Variants in METTL22 observed in about 807,000 individuals in gnomAD.
METTL22 encodes methyltransferase-like protein 22.
METTL22 carries 51 observed loss-of-function variants against 48.4 expected under a neutral mutation model. The ratio of observed to expected loss-of-function variants is 1.05; its 90% CI spans 0.84 to 1.33. The LOEUF is 1.33. METTL22 is among the 40% of genes most tolerant of loss of function. The pLI, the probability that METTL22 is intolerant of heterozygous loss-of-function variation, is 0.00. For missense variants in METTL22, 678 were observed against 526.9 expected (o/e 1.29, Z -2.81); for synonymous variants, 255 against 214.1 (o/e 1.19, Z -1.67).
chr16:8,630,573 A>C (rs1438635279), intron 3 of METTL22, among the ~76,000 whole-genome samples: 1 of 152,076 alleles, frequency 6.6e-6, no homozygotes, highest in African/African-American at 2.4e-5. Flanking sequence ...CTGAGCCCTC[A>C]CTGTTATTAG....
downstream of METTL22, among the ~76,000 whole-genome samples, chr16:8,649,839 CTG>C (rs2056868014): frequency 6.6e-6 from 1 of 150,948 alleles, no homozygotes; most frequent in African/African-American, 2.4e-5. Context: ...ATTAGTGAAA[CTG>C]TGGTCCCCAA....
At chr16:8,651,904 C>T (rs1002982506), downstream of METTL22, among the ~76,000 whole-genome samples, 1 of 152,114 alleles carries the variant, frequency 6.6e-6, no homozygotes, top group Non-Finnish European at 1.5e-5. Context: ...GGACAAATAC[C>T]TAATGCATGC....
Position 8,628,902 on chromosome 16 carries a change from C to A in METTL22, c.306C>A (p.Ala102=). Residue 102 remains alanine, a synonymous_variant, in exon 3 of 11, where the codon GCC becomes GCA. Transcript: ENST00000381920. Reference sequence around the variant, plus strand: ...GTAATGAGGGTTTCTCCCTCCAGGCCGGGACTGACACCACTGGCCAGGAAG... The same window carrying A: ...GTAATGAGGGTTTCTCCCTCCAGGCAGGGACTGACACCACTGGCCAGGAAG... ...GHGNEGFSLQ[A]GTDTTGQEVA... is the part of the protein sequence containing the mutation. 7 of 1,613,810 alleles carry A rather than the reference C, an allele frequency of 4.3e-6. No homozygotes were observed. The highest frequency in any genetic ancestry group is 5.9e-6 in the Non-Finnish European group (7 of 1,179,970).
At chr16:8,631,218 A>T (rs1271274711) in intron 3 of METTL22, 1 of 152,220 alleles carries the variant, frequency 6.6e-6, no homozygotes, top group African/African-American at 2.4e-5. Flanking sequence ...AAAGAAAAAG[A>T]AAAATAGGTG....
At chr16:8,657,834 T>TTTTTTTTTTTTTTTA in the METTL22 span, among the ~76,000 whole-genome samples, 1 of 148,058 alleles carries the variant, frequency 6.8e-6, no homozygotes, top group African/African-American at 2.6e-5. Context: ...CTTTTTTTTT[T>TTTTTTTTTTTTTTTA]GAGACAAGGT....
the METTL22 span, among the ~76,000 whole-genome samples, chr16:8,662,978 C>T: frequency 2.1e-5 from 3 of 141,102 alleles, no homozygotes; most frequent in East Asian, 2.0e-4. Flanking sequence ...GAGGCTGAAG[C>T]GGGTGGATCA....
At chr16:8,641,472 G>C (rs1414104821) in intron 7 of METTL22, 1 of 561,344 alleles carries the variant, frequency 1.8e-6, no homozygotes, top group Non-Finnish European at 3.4e-6. Context: ...CATGGGCACA[G>C]CTGGTACACA....
At chr16:8,644,459 A>C in intron 9 of METTL22, 98 bp from the exon 10 acceptor site, 8 of 1,223,018 alleles carry the variant, frequency 6.5e-6, no homozygotes, top group Non-Finnish European at 9.1e-6. Context: ...TCCAGGGGAT[A>C]TGAGATCAGT....
intron 6 of METTL22, among the ~76,000 whole-genome samples, chr16:8,640,274 G>A (rs542947316): frequency 6.6e-6 from 1 of 152,082 alleles, no homozygotes; most frequent in Non-Finnish European, 1.5e-5. Flanking sequence ...CCTGACATCC[G>A]CTGTCTGACA....
the METTL22 span, among the ~76,000 whole-genome samples, chr16:8,658,471 A>G: frequency 6.6e-6 from 1 of 152,316 alleles, no homozygotes; most frequent in African/African-American, 2.4e-5. Context: ...AAGCTGAAGG[A>G]GACAGGGAAT....
In METTL22 at chr16:8,642,504, C is replaced by G. The variant is rs768010772; in HGVS notation, c.949C>G (p.Leu317Val). The change falls in exon 9 of 11, where the codon CTC becomes GTC. Residue 317 changes from leucine to valine, a missense_variant. By Grantham distance (32) the Leu-to-Val change is conservative. Coordinates refer to ENST00000381920, the MANE Select transcript of METTL22 (RefSeq NM_024109.4). ...CTTGACTGATGCTGTGTTTAAAACG[C>G]TCTCCCGACTCGCCCACAGATTGAA... ...DDLTDAVFKT[L>V]SRLAHRLKNA... is the part of the protein sequence containing the mutation. 1 of 1,614,238 alleles carries G rather than the reference C, an allele frequency of 6.2e-7. No homozygotes were observed. The highest frequency in any genetic ancestry group is 1.1e-5 in the South Asian group (1 of 91,088).
the METTL22 span, among the ~76,000 whole-genome samples, chr16:8,666,526 C>T: frequency 6.6e-6 from 1 of 152,172 alleles, no homozygotes; most frequent in Non-Finnish European, 1.5e-5. Context: ...TTACTACATG[C>T]CAGCCACTGC....
chr16:8,625,862 T>G, intron 2 of METTL22, 64 bp downstream of exon 2: 2 of 1,587,548 alleles, frequency 1.3e-6, no homozygotes, highest in Non-Finnish European at 1.7e-6. Flanking sequence ...CATACTCATC[T>G]TTTTGGGGAA....
At position 8,639,077 on chromosome 16, in the gene METTL22, C is replaced by T; in HGVS notation, c.701-14C>T. 6.2e-7 allele frequency: 1 copy of T among 1,613,986 alleles called. No individual in the cohort carries two copies. The highest frequency in any genetic ancestry group is 8.5e-7 in the Non-Finnish European group (1 of 1,180,000). ...AGTGGCTGGCACTTTATGGCTTGCC[C>T]TCTGTCATTCCAGATGTCGGTGCAG... On this transcript the variant is annotated splice_polypyrimidine_tract_variant and intron_variant, in intron 5 of 10. Transcript: ENST00000381920.
In METTL22 at chr16:8,635,244, AGCTCGGGGCCGGCACGGGGCTC is replaced by A. The variant is rs1327265714; in HGVS notation, c.636_657del (p.Gly213AlafsTer41). ...CTCTTCCGAGGATGTACAGCGCTGG[AGCTCGGGGCCGGCACGGGGCTC>A]GCTAGCATCATCGCAGCCACCATGG... is the stretch of plus-strand genomic sequence containing the variant. On this transcript the variant is annotated frameshift_variant, in exon 5 of 11. Transcript: ENST00000381920. LOFTEE classifies it high-confidence loss of function. 1 of 1,609,818 alleles carries A rather than the reference AGCTCGGGGCCGGCACGGGGCTC, an allele frequency of 6.2e-7. No individual in the cohort carries two copies. Among genetic ancestry groups the A allele is most frequent in the Non-Finnish European group, 8.5e-7 (1 of 1,177,720 alleles).
At chr16:8,635,142 G>C in intron 4 of METTL22, 26 bp from the exon 5 acceptor site, 1 of 1,613,750 alleles carries the variant, frequency 6.2e-7, no homozygotes, top group Non-Finnish European at 8.5e-7. Context: ...CACGCTGCTT[G>C]TCGCTCCTTG....
chr16:8,665,162 C>G, the METTL22 span, among the ~76,000 whole-genome samples: 1 of 150,400 alleles, frequency 6.6e-6, no homozygotes, highest in African/African-American at 2.5e-5. Flanking sequence ...TAATAATAAA[C>G]AGGCATAGTG....
rs746794765 is a variant in METTL22, at chr16:8,642,484, C to T, written c.929C>T (p.Thr310Ile). The T allele has an allele frequency of 4.3e-6, 7 of 1,614,112 alleles. No homozygotes were observed. The Admixed American group carries it at 1.2e-4, about 27-fold the overall frequency. ...ACAGTGTTTTACGACGACGACTTGA[C>T]TGATGCTGTGTTTAAAACGCTCTCC... ...AAEVFYDDDL[T>I]DAVFKTLSRL... The change falls in exon 9 of 11, where the codon ACT becomes ATT. Residue 310 changes from threonine (T) to isoleucine (I), a missense_variant. Coordinates refer to ENST00000381920, the MANE Select transcript of METTL22 (RefSeq NM_024109.4).
At chr16:8,659,552 C>G in the METTL22 span, among the ~76,000 whole-genome samples, 1 of 152,058 alleles carries the variant, frequency 6.6e-6, no homozygotes, top group African/African-American at 2.4e-5. Flanking sequence ...AGCCTACATT[C>G]TAGAGGAGGC....
Sources: allele counts gnomAD v4.1 joint callset (sites outside exome capture counted in the v4.1 genomes callset), GRCh38; gene constraint gnomAD v4.1.1; transcripts MANE v1.5; gene names NCBI Gene and HGNC (gene_info 2026-07-23, HGNC 2026-07-21).